ATR: variants seen among roughly 807,000 people sequenced by gnomAD.
ATR encodes the protein ATR checkpoint kinase.
In ATR, 142 loss-of-function variants were observed where a neutral mutation model predicts 305.3. The ratio of observed to expected loss-of-function variants is 0.47; its 90% CI spans 0.41 to 0.53. ATR has a LOEUF of 0.53. Among genes scored for constraint, ATR ranks in the 20% least tolerant of loss-of-function variants. ATR has a pLI of 0.00. For synonymous variants in ATR, 1,050 were observed against 1,068.1 expected (o/e 0.98, Z 0.33); for missense variants, 2,135 against 3,133.1 (o/e 0.68, Z 7.60).
chr3:142,479,782 G>C (rs894465169), intron 36 of ATR, among the ~76,000 whole-genome samples: 1 of 151,560 alleles, frequency 6.6e-6, no homozygotes, highest in East Asian at 1.9e-4. Context: ...GGCTTTGTTC[G>C]TTTCTTTTTA....
chr3:142,456,933 C>T (rs2070922308), intron 45 of ATR, among the ~76,000 whole-genome samples: 1 of 152,156 alleles, frequency 6.6e-6, no homozygotes, highest in African/African-American at 2.4e-5. Flanking sequence ...TAACATATGA[C>T]CCAGCAATTC....
intron 36 of ATR, among the ~76,000 whole-genome samples, chr3:142,480,995 C>T (rs2030410718): frequency 6.6e-6 from 1 of 152,234 alleles, no homozygotes; most frequent in African/African-American, 2.4e-5. Flanking sequence ...CACAGCTTTG[C>T]TTGGCTATGA....
chr3:142,516,241 T>C (rs1052240177), intron 24 of ATR, among the ~76,000 whole-genome samples: 2 of 152,178 alleles, frequency 1.3e-5, no homozygotes, highest in Admixed American at 1.3e-4. Context: ...CCTTCACTTC[T>C]AGCATTCTCT....
chr3:142,473,554 T>A (rs1005772303), intron 36 of ATR, among the ~76,000 whole-genome samples: 1 of 152,022 alleles, frequency 6.6e-6, no homozygotes, highest in Non-Finnish European at 1.5e-5. Flanking sequence ...ATTCTTTTTT[T>A]TTTTTTTTAG....
intron 1 of ATR, among the ~76,000 whole-genome samples, chr3:142,568,506 T>G (rs776225719): frequency 9.9e-5 from 15 of 152,192 alleles, no homozygotes; most frequent in Non-Finnish European, 2.1e-4. Context: ...AGGAAGGTGG[T>G]GCTAGGGCTG....
chr3:142,531,470 T>C (rs1412212069), intron 21 of ATR, among the ~76,000 whole-genome samples: 1 of 152,034 alleles, frequency 6.6e-6, no homozygotes, highest in Non-Finnish European at 1.5e-5. Context: ...GTGTTCTCAT[T>C]GTTCAATTCC....
At chr3:142,568,218 T>A in intron 1 of ATR, 64 bp from the exon 2 acceptor site, 1 of 1,312,796 alleles carries the variant, frequency 7.6e-7, no homozygotes, top group Non-Finnish European at 1.1e-6. Flanking sequence ...AAAAAAAATT[T>A]CTCTAAAGTA....
Position 142,553,953 on chromosome 3 carries a change from C to T in ATR, c.2404G>A (p.Val802Ile), listed in dbSNP as rs2108465795. The change falls in exon 11 of 47, where the codon GTA becomes ATA. Residue 802 changes from valine to isoleucine, a missense_variant. Physicochemically the swap from Val to Ile is conservative, Grantham distance 29. Around this residue, in one of 9 missense-constraint regions of ATR, gnomAD observed 530 missense variants for 766.8 expected, o/e 0.69. Transcript: ENST00000350721. ...AATAAAGTTCCAAGAACTGCTTTTA[C>T]ATCTGTTTCATCTTCTCTAAAATCA... is the stretch of plus-strand genomic sequence containing the variant. ...HLDFREDETDVKAVLGTLLNL... is the reference protein window; with the variant it reads ...HLDFREDETDIKAVLGTLLNL... 4 of 1,608,790 alleles carry T rather than the reference C, an allele frequency of 2.5e-6. No individual in the cohort carries two copies. Among genetic ancestry groups the T allele is most frequent in the Non-Finnish European group, 3.4e-6 (4 of 1,178,092 alleles).
At position 142,556,459 on chromosome 3, in the gene ATR, G is replaced by A. The variant is rs761352811; in HGVS notation, c.2002C>T (p.Arg668Trp). The change falls in exon 9 of 47, where the codon CGG becomes TGG. Residue 668 changes from arginine (R) to tryptophan (W), a missense_variant. Arg to Trp is a moderately radical substitution (Grantham distance 101, BLOSUM62 -3). Around this residue, in one of 9 missense-constraint regions of ATR, gnomAD observed 744 missense variants for 873.2 expected, o/e 0.85. Transcript: ENST00000350721. ...AAAAATCCACTAACACAACTAGCCC[G>A]GATTACTTCATGGGAGCTCTGCAGG... ...WALQSSHEVI[R>W]ASCVSGFFIL... is the part of the protein sequence containing the mutation. 2.5e-6 allele frequency: 4 copies of A among 1,613,892 alleles called. No individual in the cohort carries two copies. In the South Asian group the frequency reaches 3.3e-5, roughly 13 times the overall value.
Position 142,515,580 on chromosome 3 carries a change from C to T in ATR, c.4383-65G>A, listed in dbSNP as rs1466177562. 3.4e-6 allele frequency: 5 copies of T among 1,484,346 alleles called. No individual in the cohort carries two copies. The African/African-American group carries it at 4.2e-5, about 12-fold the overall frequency. The allele number at this position is 1,484,346 out of a possible 1,614,324, so 91.9% of individuals were successfully genotyped here. A position where few individuals can be genotyped will look rare whatever the true frequency, so the allele number is the denominator to read the frequency against. ...ACCTGTTTAGAATTTTAGTAAATTA[C>T]AGCAACTCCTTCAGTTGACTACCTC... is the stretch of plus-strand genomic sequence containing the variant. On this transcript the variant is annotated intron_variant, in intron 24 of 46. Transcript: ENST00000350721.
chr3:142,549,870 G>A (rs2034411187), intron 14 of ATR, among the ~76,000 whole-genome samples, 197 bp from the exon 15 acceptor site: 1 of 152,122 alleles, frequency 6.6e-6, no homozygotes, highest in Non-Finnish European at 1.5e-5. Context: ...AAGCAGAAAT[G>A]ATCATATTAG....
intron 1 of ATR, among the ~76,000 whole-genome samples, chr3:142,573,288 G>C (rs1478845573): frequency 6.6e-6 from 1 of 150,668 alleles, no homozygotes; most frequent in Non-Finnish European, 1.5e-5. Context: ...TCTACTAAAA[G>C]ATAGAAAAAT....
intron 1 of ATR, among the ~76,000 whole-genome samples, chr3:142,568,843 G>A (rs1328676225): frequency 6.6e-6 from 1 of 152,258 alleles, no homozygotes; most frequent in Non-Finnish European, 1.5e-5. Context: ...GGACGGCACT[G>A]ACACACCAGC....
At chr3:142,521,773 C>T (rs1219004830) in intron 23 of ATR, among the ~76,000 whole-genome samples, 4 of 152,052 alleles carry the variant, frequency 2.6e-5, no homozygotes, top group African/African-American at 4.8e-5. Context: ...CCTGAATGGA[C>T]GAGGAGTTGC....
intron 22 of ATR, 27 bp downstream of exon 22, chr3:142,523,966 T>C (rs1439750124): frequency 5.6e-6 from 9 of 1,599,804 alleles, no homozygotes; most frequent in Admixed American, 3.3e-5. Context: ...GAGAACTCTT[T>C]TGTCATTCCA....
intron 25 of ATR, among the ~76,000 whole-genome samples, chr3:142,514,210 T>C (rs575747622): frequency 1.3e-5 from 2 of 151,404 alleles, no homozygotes; most frequent in South Asian, 4.2e-4. Context: ...GAGGCGGAGG[T>C]TGCAGTGAGC....
intron 10 of ATR, among the ~76,000 whole-genome samples, chr3:142,554,238 T>C (rs79587676): frequency 8.5e-5 from 13 of 152,094 alleles, no homozygotes; most frequent in African/African-American, 2.4e-4. Flanking sequence ...TTTTTTTTTT[T>C]GATATAGGGT....
intron 17 of ATR, among the ~76,000 whole-genome samples, chr3:142,541,627 C>G (rs1411325194): frequency 1.3e-5 from 2 of 152,126 alleles, no homozygotes; most frequent in African/African-American, 4.8e-5. Context: ...TAAAGAAACT[C>G]TGGTCGACTT....
chr3:142,476,014 A>G (rs943532941), intron 36 of ATR, among the ~76,000 whole-genome samples: 5 of 152,136 alleles, frequency 3.3e-5, no homozygotes, highest in Non-Finnish European at 5.9e-5. Context: ...AGATGAGTAG[A>G]TTGCAAAAAT....
Sources: allele counts gnomAD v4.1 joint callset (sites outside exome capture counted in the v4.1 genomes callset), GRCh38; gene constraint gnomAD v4.1.1; regional missense constraint gnomAD v4.1.1; transcripts MANE v1.5; gene names NCBI Gene and HGNC (gene_info 2026-07-23, HGNC 2026-07-21).